Variants in KATNBL1 observed in about 807,000 individuals in gnomAD.
KATNBL1 encodes katanin regulatory subunit B1 like 1, also known as KATNB1-like protein 1.
Under a neutral mutation model 44.7 loss-of-function variants are expected in KATNBL1, and 28 were observed. That is an observed-to-expected ratio of 0.63 (90% CI 0.46 to 0.86). The LOEUF is 0.86. KATNBL1 is among the 40% of genes least tolerant of loss of function. The pLI, the probability that KATNBL1 is intolerant of heterozygous loss-of-function variation, is 0.00. For synonymous variants in KATNBL1, 78 were observed against 114.9 expected (o/e 0.68, Z 2.06); for missense variants, 272 against 350.7 (o/e 0.78, Z 1.79).
At chr15:34,146,696 AG>A in intron 8 of KATNBL1, 64 bp downstream of exon 8, 1 of 860,018 alleles carries the variant, frequency 1.2e-6, no homozygotes, top group Admixed American at 1.7e-5. Context: ...ATTATTACCT[AG>A]TTTAATCAAG....
intron 1 of KATNBL1, among the ~76,000 whole-genome samples, chr15:34,173,853 T>C (rs922440821): frequency 2.6e-5 from 4 of 152,132 alleles, no homozygotes; most frequent in Non-Finnish European, 5.9e-5. Flanking sequence ...AGTAAAAATA[T>C]CCTTCAGGAA....
intron 1 of KATNBL1, among the ~76,000 whole-genome samples, chr15:34,166,566 T>C (rs1425960136): frequency 6.6e-6 from 1 of 152,198 alleles, no homozygotes; most frequent in African/African-American, 2.4e-5. Context: ...CCCAGTCTGA[T>C]AGCTCTGAAG....
chr15:34,185,381 C>T (rs955064303), intron 1 of KATNBL1, among the ~76,000 whole-genome samples: 2 of 152,176 alleles, frequency 1.3e-5, no homozygotes, highest in Non-Finnish European at 2.9e-5. Context: ...AATTGAAGGC[C>T]TAAAGGTAAG....
At chr15:34,161,065 G>T (rs754334799) in intron 2 of KATNBL1, among the ~76,000 whole-genome samples, 14 of 152,262 alleles carry the variant, frequency 9.2e-5, no homozygotes, top group Middle Eastern at 6.8e-3. Context: ...CAGGAGGGCT[G>T]CCCTAAGCTG....
At chr15:34,147,805 GAATAC>G (rs1888355568) in intron 5 of KATNBL1, among the ~76,000 whole-genome samples, 1 of 152,122 alleles carries the variant, frequency 6.6e-6, no homozygotes, top group African/African-American at 2.4e-5. Flanking sequence ...TGAGAGACTT[GAATAC>G]AATGAGGAAA....
chr15:34,205,976 G>A (rs569090688), intron 1 of KATNBL1, among the ~76,000 whole-genome samples: 1 of 152,224 alleles, frequency 6.6e-6, no homozygotes, highest in East Asian at 1.9e-4. Flanking sequence ...AGACTATCCA[G>A]AGGCCTCTTC....
intron 1 of KATNBL1, among the ~76,000 whole-genome samples, chr15:34,198,903 C>T (rs1485521909): frequency 2.0e-5 from 3 of 152,114 alleles, no homozygotes; most frequent in Admixed American, 2.0e-4. Flanking sequence ...ATTCTGTTGA[C>T]CTTGCTAGTT....
At position 34,157,960 on chromosome 15, in the gene KATNBL1, G is replaced by C. The variant is rs557720990; in HGVS notation, c.118-3276C>G. 7.9e-5 allele frequency among the ~76,000 whole-genome samples: 12 copies of C among 152,276 alleles called. No homozygotes were observed. The East Asian group carries it at 2.3e-3, about 29-fold the overall frequency. ...GACTACATTATTAGCAGTTGCACTT[G>C]AAAGGAAATAGCTTCTACCCAATGA... On this transcript the variant is annotated intron_variant, in intron 2 of 9. Coordinates refer to ENST00000256544, the MANE Select transcript of KATNBL1 (RefSeq NM_024713.3).
intron 1 of KATNBL1, among the ~76,000 whole-genome samples, chr15:34,197,306 C>G (rs1235106031): frequency 6.6e-6 from 1 of 152,208 alleles, no homozygotes; most frequent in Non-Finnish European, 1.5e-5. Flanking sequence ...TAGAGTCAGA[C>G]TACCTGGGTT....
intron 1 of KATNBL1, among the ~76,000 whole-genome samples, chr15:34,168,047 T>A (rs138732047): frequency 6.6e-6 from 1 of 152,180 alleles, no homozygotes; most frequent in East Asian, 1.9e-4. Flanking sequence ...GTGAAATAAC[T>A]AGCTAGCATC....
intron 9 of KATNBL1, among the ~76,000 whole-genome samples, chr15:34,143,178 T>TGTA (rs1474657437): frequency 6.9e-6 from 1 of 144,354 alleles, no homozygotes; most frequent in Non-Finnish European, 1.5e-5. Context: ...TTTCCCTTTG[T>TGTA]AAAAAACTGA....
chr15:34,152,005 A>T (rs1888494613), intron 4 of KATNBL1, among the ~76,000 whole-genome samples: 1 of 148,240 alleles, frequency 6.7e-6, no homozygotes, highest in South Asian at 2.1e-4. Context: ...CAATGGAATG[A>T]TCGCGGCTCA....
chr15:34,194,586 T>C (rs893811223), intron 1 of KATNBL1, among the ~76,000 whole-genome samples: 1 of 152,170 alleles, frequency 6.6e-6, no homozygotes, highest in African/African-American at 2.4e-5. Flanking sequence ...ATTGTGCCAC[T>C]GCACTCCAGC....
chr15:34,205,571 G>A (rs1890273760), intron 1 of KATNBL1, among the ~76,000 whole-genome samples: 1 of 152,176 alleles, frequency 6.6e-6, no homozygotes, highest in Admixed American at 6.5e-5. Flanking sequence ...TCTGAAAGGC[G>A]ATTAAGTGAA....
intron 2 of KATNBL1, 26 bp downstream of exon 2, chr15:34,163,534 C>A (rs770195377): frequency 2.5e-6 from 4 of 1,575,580 alleles, no homozygotes; most frequent in African/African-American, 2.8e-5. Context: ...ATTGTCTTAT[C>A]TGTTTTCTAG....
rs1410925796 is a variant in KATNBL1 at position 34,170,915 on chromosome 15, A to G, written c.-14-7225T>C. 2.0e-5 allele frequency among the ~76,000 whole-genome samples: 3 copies of G among 152,178 alleles called. No individual in the cohort carries two copies. In the East Asian group the frequency reaches 5.8e-4, roughly 29 times the overall value. The stretch of plus-strand genomic sequence containing the variant: ...AGCTGAAACTGGATCCCTTCCTTAC[A>G]CCTTATACAACAATTAATTCAAGAT... On this transcript the variant is annotated intron_variant, in intron 1 of 9. Coordinates refer to ENST00000256544, the MANE Select transcript of KATNBL1 (RefSeq NM_024713.3).
At chr15:34,192,905 A>G (rs73380155) in intron 1 of KATNBL1, among the ~76,000 whole-genome samples, 1,802 of 152,274 alleles carry the variant, frequency 0.012, 39 homozygotes, top group African/African-American at 0.041. Flanking sequence ...TTTGCATCTC[A>G]TAAGTATTAC....
intron 1 of KATNBL1, among the ~76,000 whole-genome samples, chr15:34,167,827 C>A (rs1258699219): frequency 6.6e-6 from 1 of 152,186 alleles, no homozygotes; most frequent in Non-Finnish European, 1.5e-5. Context: ...AATTTCATAT[C>A]CAGCCAAACT....
chr15:34,182,382 C>T (rs1178594466), intron 1 of KATNBL1, among the ~76,000 whole-genome samples: 1 of 152,106 alleles, frequency 6.6e-6, no homozygotes, highest in Non-Finnish European at 1.5e-5. Context: ...TAAACATATA[C>T]AATTACGGTG....
Sources: gnomAD v4.1 joint callset for allele counts (sites outside exome capture counted in the v4.1 genomes callset) on GRCh38, gnomAD v4.1.1 for gene constraint, MANE v1.5 for transcripts, NCBI Gene and HGNC (gene_info 2026-07-23, HGNC 2026-07-21) for gene names.